Variants in DPP10 observed in about 807,000 individuals in gnomAD.
The protein encoded by DPP10 is dipeptidyl peptidase like 10.
A neutral mutation model predicts 120.9 loss-of-function variants in DPP10; 33 were observed. The observed-to-expected ratio is 0.27, with a 90% CI of 0.21 to 0.37. The LOEUF is 0.37. Among genes scored for constraint, DPP10 ranks in the 10% least tolerant of loss-of-function variants. The pLI is 1.00. For synonymous variants in DPP10, 337 were observed against 326.1 expected, an observed-to-expected ratio of 1.03 and a Z score of -0.36; for missense variants, 816 against 942.8, an observed-to-expected ratio of 0.87 and a Z score of 1.76.
At chr2:115,555,081 G>A (rs1205436089) in intron 5 of DPP10, among the ~76,000 whole-genome samples, 2 of 152,108 alleles carry the variant, frequency 1.3e-5, no homozygotes, top group East Asian at 1.9e-4. Context: ...CCTGATGTCA[G>A]GATCTCATTA....
intron 3 of DPP10, among the ~76,000 whole-genome samples, chr2:115,486,049 A>G (rs2075758103): frequency 1.3e-5 from 2 of 152,146 alleles, no homozygotes; most frequent in Admixed American, 1.3e-4. Context: ...AAGGGAACAT[A>G]TTAAAATTAT....
rs992078507 is a variant in DPP10, at chr2:115,287,408, G to A, written c.61-21831G>A. Among the ~76,000 whole-genome samples the A allele has an allele frequency of 2.6e-5, 4 of 152,136 alleles. No homozygotes were observed. The South Asian group carries it at 6.2e-4, about 24-fold the overall frequency. On this transcript the variant is annotated intron_variant, in intron 1 of 25. Transcript: ENST00000410059. Reference sequence around the variant, plus strand: ...GCCCAACACCAAAATAGTGAACATTGTATTCAATAGGTAATTTTTCATCCC... The same window carrying A: ...GCCCAACACCAAAATAGTGAACATTATATTCAATAGGTAATTTTTCATCCC...
chr2:115,138,738 G>C (rs1196246478), intron 1 of DPP10, among the ~76,000 whole-genome samples: 2 of 151,976 alleles, frequency 1.3e-5, no homozygotes, highest in African/African-American at 2.4e-5. Context: ...AATTTTAAAA[G>C]GCATTTTGAA....
In DPP10 at chr2:114,615,679, T is replaced by C. The variant is rs115608938; in HGVS notation, c.60+172841T>C. Among the ~76,000 whole-genome samples, 838 of 152,282 alleles carry C rather than the reference T, an allele frequency of 5.5e-3. 9 individuals carry two copies. The highest frequency in any genetic ancestry group is 0.019 in the African/African-American group (799 of 41,562). On this transcript the variant is annotated intron_variant, in intron 1 of 25. Transcript: ENST00000410059. ...CTGGTTAGCCTTGGGCATACGATGC[T>C]TCTTACCCTTTCAATGCGTTATTCT...
intron 1 of DPP10, among the ~76,000 whole-genome samples, chr2:114,696,978 GAAAT>G (rs893230310): frequency 2.6e-4 from 39 of 152,140 alleles, no homozygotes; most frequent in Admixed American, 2.4e-3. Flanking sequence ...TGAGATGACT[GAAAT>G]AAAGTATGAA....
intron 1 of DPP10, among the ~76,000 whole-genome samples, chr2:114,446,173 A>G (rs10173182): frequency 0.68 from 103,262 of 151,788 alleles, 35,513 homozygotes; most frequent in Middle Eastern, 0.8. Context: ...TTCCTTCACC[A>G]TTATGGCTTC....
At chr2:115,595,477 T>C (rs2082930663) in intron 5 of DPP10, among the ~76,000 whole-genome samples, 1 of 152,106 alleles carries the variant, frequency 6.6e-6, no homozygotes, top group East Asian at 1.9e-4. Flanking sequence ...AATTTTCTAT[T>C]AAAGAGCAGA....
intron 1 of DPP10, among the ~76,000 whole-genome samples, chr2:115,226,937 TAAAAC>T (rs964260238): frequency 2.0e-5 from 3 of 152,102 alleles, no homozygotes; most frequent in African/African-American, 2.4e-5. Flanking sequence ...AGATTTCAAG[TAAAAC>T]AAAACAAAAC....
chr2:114,533,052 A>G (rs756195084), intron 1 of DPP10, among the ~76,000 whole-genome samples: 3 of 152,304 alleles, frequency 2.0e-5, no homozygotes, highest in African/African-American at 7.2e-5. Flanking sequence ...TGACAAGACA[A>G]AGTCAGACCA....
chr2:115,062,764 CCA>C (rs1706522518), intron 1 of DPP10, among the ~76,000 whole-genome samples: 1 of 152,164 alleles, frequency 6.6e-6, no homozygotes. Flanking sequence ...TGTATATGTA[CCA>C]CATTTTCTTT....
chr2:115,765,334 G>A (rs1177658458), intron 12 of DPP10, among the ~76,000 whole-genome samples: 1 of 152,108 alleles, frequency 6.6e-6, no homozygotes, highest in Admixed American at 6.6e-5. Context: ...GTTGCTATGT[G>A]GGGGTAAATC....
intron 1 of DPP10, among the ~76,000 whole-genome samples, chr2:114,981,761 GTTTTGTTTTTTGT>G (rs1431274043): frequency 1.4e-5 from 2 of 147,898 alleles, no homozygotes; most frequent in African/African-American, 2.5e-5. Flanking sequence ...TTTTTGTTTT[GTTTTGTTTTTTGT>G]TTTTGTTTTT....
chr2:114,673,902 C>T (rs35171855), intron 1 of DPP10, among the ~76,000 whole-genome samples: 1 of 151,986 alleles, frequency 6.6e-6, no homozygotes, highest in Non-Finnish European at 1.5e-5. Flanking sequence ...CTTATGGATA[C>T]TCGAACCTGA....
At chr2:115,178,602 A>C (rs1463947264) in intron 1 of DPP10, among the ~76,000 whole-genome samples, 1 of 152,192 alleles carries the variant, frequency 6.6e-6, no homozygotes, top group Non-Finnish European at 1.5e-5. Flanking sequence ...GTATGATTGC[A>C]TGTAACCTAA....
chr2:115,380,388 TG>T (rs1022989551), intron 3 of DPP10, among the ~76,000 whole-genome samples: 2 of 152,212 alleles, frequency 1.3e-5, no homozygotes, highest in Non-Finnish European at 2.9e-5. Flanking sequence ...TGCCTTTTTT[TG>T]TTTTCCATTT....
intron 3 of DPP10, among the ~76,000 whole-genome samples, chr2:115,361,283 G>A (rs528478297): frequency 1.3e-5 from 2 of 152,084 alleles, no homozygotes; most frequent in Non-Finnish European, 2.9e-5. Context: ...CAAATTCTAG[G>A]GAGTTGAGAC....
At chr2:115,049,670 G>A (rs1164963737) in intron 1 of DPP10, among the ~76,000 whole-genome samples, 3 of 152,096 alleles carry the variant, frequency 2.0e-5, no homozygotes, top group East Asian at 3.9e-4. Context: ...CATTCCAGCC[G>A]ATCTGATATA....
chr2:114,945,810 C>CT, intron 1 of DPP10, among the ~76,000 whole-genome samples: 1 of 152,256 alleles, frequency 6.6e-6, no homozygotes, highest in East Asian at 1.9e-4. Flanking sequence ...GAGGGAAACT[C>CT]TGTCTCAAAA....
chr2:114,941,600 G>A (rs761135016), intron 1 of DPP10, among the ~76,000 whole-genome samples: 1 of 152,122 alleles, frequency 6.6e-6, no homozygotes, highest in Non-Finnish European at 1.5e-5. Context: ...ATTTTTATAT[G>A]CAGGAATAAT....
Sources: gnomAD v4.1 joint callset for allele counts (sites outside exome capture counted in the v4.1 genomes callset) on GRCh38, gnomAD v4.1.1 for gene constraint, MANE v1.5 for transcripts, NCBI Gene and HGNC (gene_info 2026-07-23, HGNC 2026-07-21) for gene names.